The following APOBEC1 variants were observed in gnomAD, a reference collection of about 807,000 sequenced individuals.
The protein encoded by APOBEC1 is C->U-editing enzyme APOBEC-1.
In APOBEC1, 22 loss-of-function variants were observed where a neutral mutation model predicts 26.3. The observed-to-expected ratio is 0.84, with a 90% CI of 0.60 to 1.19. APOBEC1 has a LOEUF of 1.19. Among genes scored for constraint, APOBEC1 ranks in the 50% most tolerant of loss-of-function variants. The pLI is 0.00. For synonymous variants in APOBEC1, 77 were observed against 95.3 expected (o/e 0.81, Z 1.12); for missense variants, 253 against 289.0 (o/e 0.88, Z 0.90).
intron 1 of APOBEC1, among the ~76,000 whole-genome samples, chr12:7,656,736 T>A (rs1863720176): frequency 6.6e-6 from 1 of 152,172 alleles, no homozygotes; most frequent in African/African-American, 2.4e-5. Context: ...GTCGGAAGAC[T>A]CACGTAACAC....
At chr12:7,661,487 TGATAGATA>T (rs60705558) in intron 1 of APOBEC1, among the ~76,000 whole-genome samples, 3,241 of 151,020 alleles carry the variant, frequency 0.021, 48 homozygotes, top group South Asian at 0.034. Flanking sequence ...TGATGACAGA[TGATAGATA>T]GATAGATAGA....
intron 1 of APOBEC1, among the ~76,000 whole-genome samples, chr12:7,658,439 T>C (rs1863748219): frequency 6.6e-6 from 1 of 152,190 alleles, no homozygotes; most frequent in African/African-American, 2.4e-5. Flanking sequence ...TACATTATTT[T>C]TCAGACTCAG....
In APOBEC1 at chr12:7,653,220, A is replaced by G. The variant is rs994720259; in HGVS notation, c.45-385T>C. 3.3e-5 allele frequency among the ~76,000 whole-genome samples: 5 copies of G among 151,950 alleles called. No individual in the cohort carries two copies. In the East Asian group the frequency reaches 5.8e-4, roughly 18 times the overall value. On this transcript the variant is annotated intron_variant, in intron 2 of 4. Coordinates refer to ENST00000229304, the MANE Select transcript of APOBEC1 (RefSeq NM_001644.5). ...GCTGGGATTACAGGCGTGAGCCACC[A>G]CGCCCAGCCTCTGCTCCCCTCTTCT...
chr12:7,655,385 C>T (rs916163813), intron 1 of APOBEC1, among the ~76,000 whole-genome samples: 15 of 150,886 alleles, frequency 9.9e-5, no homozygotes, highest in Non-Finnish European at 1.9e-4. Context: ...CGTGGTGGCG[C>T]ATGCCTGTAA....
intron 1 of APOBEC1, among the ~76,000 whole-genome samples, chr12:7,659,386 C>CACACAT (rs1863772395): frequency 7.2e-6 from 1 of 139,596 alleles, no homozygotes. Context: ...CACACACACA[C>CACACAT]ACACACACAA....
chr12:7,666,037 G>A, upstream of APOBEC1: 1 of 756,222 alleles, frequency 1.3e-6, no homozygotes. Flanking sequence ...CAAACAGGGG[G>A]CCGACTGAGA....
At chr12:7,668,343 T>C (rs1863917527), upstream of APOBEC1, among the ~76,000 whole-genome samples, 1 of 152,152 alleles carries the variant, frequency 6.6e-6, no homozygotes, top group Non-Finnish European at 1.5e-5. Flanking sequence ...TATAAAACAA[T>C]GTGTGTCGTT....
chr12:7,662,194 G>A (rs1592063014), intron 1 of APOBEC1, among the ~76,000 whole-genome samples: 1 of 152,266 alleles, frequency 6.6e-6, no homozygotes, highest in Admixed American at 6.5e-5. Context: ...GAGCCCAGGA[G>A]TTCGAGGCTA....
At chr12:7,656,772 G>A (rs893518428) in intron 1 of APOBEC1, among the ~76,000 whole-genome samples, 1 of 152,188 alleles carries the variant, frequency 6.6e-6, no homozygotes, top group African/African-American at 2.4e-5. Flanking sequence ...TTTGCAAGGT[G>A]CCTGACGCAG....
At chr12:7,670,354 C>T (rs187323423), upstream of APOBEC1, among the ~76,000 whole-genome samples, 37 of 142,020 alleles carry the variant, frequency 2.6e-4, 5 homozygotes, top group African/African-American at 9.9e-4. Flanking sequence ...ATTGTGGATA[C>T]AAGCTTTGTC....
intron 1 of APOBEC1, among the ~76,000 whole-genome samples, chr12:7,660,097 G>C (rs960430559): frequency 3.3e-5 from 5 of 151,762 alleles, no homozygotes; most frequent in Non-Finnish European, 5.9e-5. Flanking sequence ...AAGGTCAAGG[G>C]TTCAAGACTA....
chr12:7,660,392 G>GAA (rs1261155553), intron 1 of APOBEC1, among the ~76,000 whole-genome samples: 2 of 74,964 alleles, frequency 2.7e-5, no homozygotes, highest in African/African-American at 4.1e-5. Flanking sequence ...AAGAAAGAAA[G>GAA]AAAGAAAGAA....
intron 1 of APOBEC1, among the ~76,000 whole-genome samples, chr12:7,654,935 G>A (rs1469371731): frequency 1.3e-5 from 2 of 152,216 alleles, no homozygotes; most frequent in African/African-American, 4.8e-5. Context: ...GAGGCCGGGT[G>A]CGGTGGCTCA....
intron 1 of APOBEC1, among the ~76,000 whole-genome samples, chr12:7,659,921 A>T (rs2136850151): frequency 6.6e-6 from 1 of 152,200 alleles, no homozygotes; most frequent in East Asian, 1.9e-4. Context: ...GTGAGCCGAG[A>T]TCAAGCCACT....
chr12:7,660,375 G>GGAAGGAAGGAAGGAAGGACAGAAA (rs61183510), intron 1 of APOBEC1, among the ~76,000 whole-genome samples: 7 of 23,968 alleles, frequency 2.9e-4, no homozygotes, highest in Non-Finnish European at 4.9e-4. Context: ...AAGGAAGGAA[G>GGAAGGAAGGAAGGAAGGACAGAAA]GAAAGAAAGA....
At chr12:7,650,864 A>G (rs1199469065) in intron 4 of APOBEC1, among the ~76,000 whole-genome samples, 159 bp downstream of exon 4, 1 of 152,242 alleles carries the variant, frequency 6.6e-6, no homozygotes, top group East Asian at 1.9e-4. Context: ...GCACCACCAT[A>G]CCTGGCTCTG....
chr12:7,669,569 A>T (rs1404634870), upstream of APOBEC1, among the ~76,000 whole-genome samples: 1 of 152,024 alleles, frequency 6.6e-6, no homozygotes, highest in Non-Finnish European at 1.5e-5. Flanking sequence ...CTTTTTTAAA[A>T]AATTGATTTT....
rs1453855044 is a variant in APOBEC1, at chr12:7,652,677, T to C, written c.203A>G (p.Lys68Arg). The change falls in exon 3 of 5, where the codon AAA becomes AGA. Residue 68 changes from lysine (K) to arginine (R), a missense_variant. By Grantham distance (26) the Lys-to-Arg change is conservative. Coordinates refer to ENST00000229304, the MANE Select transcript of APOBEC1 (RefSeq NM_001644.5). ...AAAATCTCTTTCTGACGTAAATTTT[T>C]TTATAAAATTAACTTCCACGTGATT... ...TTNHVEVNFI[K>R]KFTSERDFHP... 1 of 1,614,134 alleles carries C rather than the reference T, an allele frequency of 6.2e-7. No homozygotes were observed. Among genetic ancestry groups the C allele is most frequent in the East Asian group, 2.2e-5 (1 of 44,880 alleles).
upstream of APOBEC1, among the ~76,000 whole-genome samples, chr12:7,670,553 G>A (rs1431086603): frequency 7.2e-6 from 1 of 138,824 alleles, no homozygotes; most frequent in Non-Finnish European, 1.6e-5. Context: ...TCAGGAGTTC[G>A]AGACCAGTCT....
Sources: gnomAD v4.1 joint callset for allele counts (sites outside exome capture counted in the v4.1 genomes callset) on GRCh38, gnomAD v4.1.1 for gene constraint, MANE v1.5 for transcripts, NCBI Gene and HGNC (gene_info 2026-07-23, HGNC 2026-07-21) for gene names.